IFI44L: variants seen among roughly 807,000 people sequenced by gnomAD.
IFI44L encodes interferon induced protein 44 like, also known as interferon-induced protein 44-like.
A neutral mutation model predicts 39.3 loss-of-function variants in IFI44L; 40 were observed. That is an observed-to-expected ratio of 1.02 (90% CI 0.79 to 1.33). The LOEUF is 1.33. Among genes scored for constraint, IFI44L ranks in the 40% most tolerant of loss-of-function variants. IFI44L has a pLI of 0.00. For missense variants in IFI44L, 623 were observed against 549.0 expected, an observed-to-expected ratio of 1.13 and a Z score of -1.35; for synonymous variants, 198 against 182.3, an observed-to-expected ratio of 1.09 and a Z score of -0.69.
chr1:78,631,382 T>C (rs943061487), intron 4 of IFI44L: 4 of 152,180 alleles, frequency 2.6e-5, no homozygotes, highest in Admixed American at 2.0e-4. Context: ...ATAAAAATCT[T>C]CAGTGGGATT....
chr1:78,645,010 T>A lies in IFI44L; in HGVS notation c.*3201T>A, dbSNP rs60363203. On this transcript the variant is annotated 3_prime_UTR_variant, in exon 9 of 9. Transcript: ENST00000370751. ...TGAGGTATGCAGGCCCAGAGAGACATAAGTATGTTCCTTTAGTCTTGCTTC... is the reference window on the plus strand; with the variant it reads ...TGAGGTATGCAGGCCCAGAGAGACAAAAGTATGTTCCTTTAGTCTTGCTTC... 1.3e-5 allele frequency: 2 copies of A among 152,164 alleles called. No homozygotes were observed. 9.4% of individuals were successfully genotyped at this position (152,164 alleles called of 1,614,324 possible). A position where few individuals can be genotyped will look rare whatever the true frequency, so the allele number is the denominator to read the frequency against.
chr1:78,635,525 AT>A (rs1308334949), intron 5 of IFI44L, 36 bp downstream of exon 5: 1 of 1,589,422 alleles, frequency 6.3e-7, no homozygotes, highest in African/African-American at 1.4e-5. Context: ...ATTTCAAATC[AT>A]TTTCTTCAGT....
rs1646978088 is a variant in IFI44L at position 78,641,115 on chromosome 1, A to G, written c.1143A>G (p.Gln381=). 2 of 1,603,380 alleles carry G rather than the reference A, an allele frequency of 1.2e-6. No homozygotes were observed. Among genetic ancestry groups the G allele is most frequent in the Non-Finnish European group, 1.7e-6 (2 of 1,170,572 alleles). Residue 381 remains glutamine (Q), a synonymous_variant, in exon 7 of 9, where the codon CAA becomes CAG. Coordinates refer to ENST00000370751, the MANE Select transcript of IFI44L (RefSeq NM_006820.4). The part of the protein sequence containing the change: ...FLNMSRSMTS[Q]SRVMNVHKML... ...ACATGAGTAGATCTATGACTTCTCA[A>G]AGCCGGGTAAAAAATGCTGATCATA...
chr1:78,622,439 A>T (rs1275415792), intron 1 of IFI44L, among the ~76,000 whole-genome samples: 3 of 152,176 alleles, frequency 2.0e-5, no homozygotes, highest in Non-Finnish European at 4.4e-5. Context: ...CATATTGACC[A>T]TACTAAACAA....
intron 1 of IFI44L, among the ~76,000 whole-genome samples, chr1:78,623,206 T>G (rs1162595942): frequency 6.6e-6 from 1 of 152,138 alleles, no homozygotes; most frequent in Non-Finnish European, 1.5e-5. Flanking sequence ...TTGGCCTACT[T>G]GTTCTGGCTA....
At chr1:78,632,039 G>T (rs1317496227) in intron 4 of IFI44L, among the ~76,000 whole-genome samples, 1 of 152,076 alleles carries the variant, frequency 6.6e-6, no homozygotes, top group Non-Finnish European at 1.5e-5. Flanking sequence ...TGATAAAATG[G>T]GAAGTGCTCA....
At chr1:78,638,980 A>C (rs1653053830) in intron 6 of IFI44L, among the ~76,000 whole-genome samples, 1 of 152,138 alleles carries the variant, frequency 6.6e-6, no homozygotes, top group Non-Finnish European at 1.5e-5. Flanking sequence ...GTAAGATGGA[A>C]AGTACAGGTT....
intron 6 of IFI44L, among the ~76,000 whole-genome samples, chr1:78,639,501 A>G (rs1275649934): frequency 2.0e-5 from 3 of 151,956 alleles, no homozygotes; most frequent in Non-Finnish European, 1.5e-5. Flanking sequence ...TCTAATTTGT[A>G]TTTTCCAGTT....
At chr1:78,627,293 T>C (rs1320883835) in intron 1 of IFI44L, 2 of 152,122 alleles carry the variant, frequency 1.3e-5, no homozygotes, top group Non-Finnish European at 2.9e-5. Flanking sequence ...ATTCTTGTAA[T>C]GACCAATAGT....
At position 78,641,550 on chromosome 1, in the gene IFI44L, T is replaced by A. The variant is rs762620873; in HGVS notation, c.1265T>A (p.Leu422Gln). 2 of 1,613,754 alleles carry A rather than the reference T, an allele frequency of 1.2e-6. No individual in the cohort carries two copies. Among genetic ancestry groups the A allele is most frequent in the South Asian group, 2.2e-5 (2 of 91,068 alleles). ...PMKDILILSALRQMLRAADDF... is the reference protein window; with the variant it reads ...PMKDILILSAQRQMLRAADDF... ...AAGGATATTCTCATCCTCTCTGCAC[T>A]GAGGCAGATGCTGCGGGCTGCAGAT... Residue 422 changes from leucine (L) to glutamine (Q), a missense_variant, in exon 8 of 9, where the codon CTG becomes CAG. By Grantham distance (113) the Leu-to-Gln change is moderately radical (BLOSUM62 -2). Coordinates refer to ENST00000370751, the MANE Select transcript of IFI44L (RefSeq NM_006820.4).
chr1:78,641,708 T>C, intron 8 of IFI44L, 67 bp from the exon 9 acceptor site: 1 of 1,603,810 alleles, frequency 6.2e-7, no homozygotes, highest in Non-Finnish European at 8.5e-7. Flanking sequence ...CCCACCTGCA[T>C]GCCCTAGTCC....
At position 78,641,573 on chromosome 1, in the gene IFI44L, G is replaced by C. The variant is rs1421813346; in HGVS notation, c.1288G>C (p.Asp430His). 1.9e-6 allele frequency: 3 copies of C among 1,613,652 alleles called. No individual in the cohort carries two copies. The highest frequency in any genetic ancestry group is 4.5e-5 in the East Asian group (2 of 44,862). ...SALRQMLRAA[D>H]DFLEDLPLEE... ...ACTGAGGCAGATGCTGCGGGCTGCA[G>C]ATGATTTTTTAGAAGATTTGCCTCT... is the stretch of plus-strand genomic sequence containing the variant. The change falls in exon 8 of 9, where the codon GAT becomes CAT. Residue 430 changes from aspartate to histidine, a missense_variant. Coordinates refer to ENST00000370751, the MANE Select transcript of IFI44L (RefSeq NM_006820.4).
chr1:78,628,889 A>G, intron 2 of IFI44L, 62 bp from the exon 3 acceptor site: 1 of 1,090,742 alleles, frequency 9.2e-7, no homozygotes, highest in Middle Eastern at 2.0e-4. Context: ...TCAAAAGTAG[A>G]CTTGGCCACA....
At position 78,643,674 on chromosome 1, in the gene IFI44L, T is replaced by C. The variant is rs1385080961; in HGVS notation, c.*1865T>C. The C allele has an allele frequency of 6.7e-6, 1 of 149,166 alleles. No homozygotes were observed. Among genetic ancestry groups the C allele is most frequent in the Non-Finnish European group, 1.5e-5 (1 of 67,296 alleles). 9.2% of individuals were successfully genotyped at this position (149,166 alleles called of 1,614,324 possible). ...GTTGTTTTTTTTTTTTTTTGTTTTT[T>C]TGCTGAGTCAATTCCTTGGAGGGGG... On this transcript the variant is annotated 3_prime_UTR_variant, in exon 9 of 9. Transcript: ENST00000370751.
chr1:78,639,187 G>A (rs560572975), intron 6 of IFI44L, among the ~76,000 whole-genome samples: 2 of 152,138 alleles, frequency 1.3e-5, no homozygotes, highest in African/African-American at 4.8e-5. Flanking sequence ...CTGATTCGGT[G>A]GAAGTCTAGG....
In IFI44L at chr1:78,645,342, A is replaced by T. The variant is rs1382555045; in HGVS notation, c.*3533A>T. On this transcript the variant is annotated 3_prime_UTR_variant, in exon 9 of 9. Coordinates refer to ENST00000370751, the MANE Select transcript of IFI44L (RefSeq NM_006820.4). ...CATGCTTGGCCCAAATAAACTCTCT[A>T]CTTATATCAGTTTTTCCTACACTTC... 6.6e-6 allele frequency: 1 copy of T among 152,158 alleles called. No homozygotes were observed. Among genetic ancestry groups the T allele is most frequent in the African/African-American group, 2.4e-5 (1 of 41,444 alleles). 9.4% of individuals were successfully genotyped at this position (152,158 alleles called of 1,614,324 possible).
intron 1 of IFI44L, among the ~76,000 whole-genome samples, chr1:78,623,044 G>A (rs948991066): frequency 6.6e-6 from 1 of 152,216 alleles, no homozygotes; most frequent in African/African-American, 2.4e-5. Context: ...TGCAGCAATA[G>A]ATAAATAGCA....
intron 4 of IFI44L, among the ~76,000 whole-genome samples, chr1:78,633,567 G>C (rs1233955792): frequency 6.6e-6 from 1 of 152,134 alleles, no homozygotes; most frequent in East Asian, 1.9e-4. Flanking sequence ...TTTTTGGATA[G>C]GCTGATTGTT....
chr1:78,632,215 G>T (rs900326735), intron 4 of IFI44L, among the ~76,000 whole-genome samples: 1 of 152,078 alleles, frequency 6.6e-6, no homozygotes, highest in African/African-American at 2.4e-5. Flanking sequence ...TAATGCAAAT[G>T]CTCAAGTGAC....
Sources: gnomAD v4.1 joint callset for allele counts (sites outside exome capture counted in the v4.1 genomes callset) on GRCh38, gnomAD v4.1.1 for gene constraint, MANE v1.5 for transcripts, NCBI Gene and HGNC (gene_info 2026-07-23, HGNC 2026-07-21) for gene names.